Variants in NNMT observed in about 807,000 individuals in gnomAD.
NNMT encodes the protein nicotinamide N-methyltransferase.
In NNMT, 10 loss-of-function variants were observed where a neutral mutation model predicts 11.7. That is an observed-to-expected ratio of 0.85 (90% CI 0.53 to 1.45). The LOEUF (loss-of-function observed/expected upper bound fraction) is 1.45. Ranked by LOEUF, NNMT falls within the 40% of genes most tolerant of loss-of-function variation. The pLI is 0.00. For missense variants in NNMT, 381 were observed against 319.4 expected (o/e 1.19, Z -1.47); for synonymous variants, 143 against 133.8 (o/e 1.07, Z -0.48).
At chr11:114,258,295 C>T (rs893393082) in intron 1 of NNMT, among the ~76,000 whole-genome samples, 4 of 152,222 alleles carry the variant, frequency 2.6e-5, no homozygotes, top group African/African-American at 9.6e-5. Flanking sequence ...TTCAAGGAGG[C>T]GTTTGGGTCA....
chr11:114,296,216 G>A, upstream of NNMT: 1 of 197,604 alleles, frequency 5.1e-6, no homozygotes, highest in Non-Finnish European at 1.0e-5. Flanking sequence ...TTCCTGACGA[G>A]CTCAAGTGCT....
upstream of NNMT, among the ~76,000 whole-genome samples, chr11:114,291,874 A>G (rs1945337758): frequency 2.6e-5 from 4 of 152,088 alleles, no homozygotes. Flanking sequence ...TTATATTAAT[A>G]ATTTCTGACT....
In NNMT at chr11:114,265,778, C is replaced by T. The variant is rs534252272; in HGVS notation, c.-130+2844C>T. On this transcript the variant is annotated intron_variant, in intron 2 of 4. Coordinates refer to the NNMT transcript ENST00000535401. ...GTATTTGCTTCCAATCGATTTCTTA[C>T]GCCAGTAACCCATTAACCATGATTA... Among the ~76,000 whole-genome samples the T allele has an allele frequency of 5.9e-5, 9 of 152,276 alleles. No homozygotes were observed. In the South Asian group the frequency reaches 1.0e-3, roughly 18 times the overall value.
intron 2 of NNMT, among the ~76,000 whole-genome samples, chr11:114,308,365 G>T (rs1427796029): frequency 2.0e-5 from 3 of 152,118 alleles, no homozygotes; most frequent in Non-Finnish European, 4.4e-5. Flanking sequence ...ATGAAAAACA[G>T]CTTGTCAGGG....
intron 2 of NNMT, among the ~76,000 whole-genome samples, chr11:114,271,467 A>G (rs550626043): frequency 6.6e-6 from 1 of 152,350 alleles, no homozygotes; most frequent in South Asian, 2.1e-4. Flanking sequence ...GAAGAAATTC[A>G]GTGCAGTTAT....
intron 2 of NNMT, 56 bp from the exon 3 acceptor site, chr11:114,311,989 T>C: frequency 1.3e-6 from 2 of 1,512,504 alleles, no homozygotes; most frequent in South Asian, 2.6e-5. Context: ...ACCCAAGAGA[T>C]CTGGGTTCCC....
chr11:114,283,727 T>G (rs1945278043), intron 2 of NNMT, among the ~76,000 whole-genome samples: 1 of 152,236 alleles, frequency 6.6e-6, no homozygotes, highest in Non-Finnish European at 1.5e-5. Context: ...TTTGTTGCTT[T>G]TTTTTCAATT....
chr11:114,281,946 C>G (rs764041203), intron 2 of NNMT, among the ~76,000 whole-genome samples: 7 of 152,116 alleles, frequency 4.6e-5, no homozygotes, highest in Non-Finnish European at 1.0e-4. Flanking sequence ...AGGAAATTGA[C>G]AAAGGAAGGT....
chr11:114,307,246 A>G (rs1167179285), intron 2 of NNMT, among the ~76,000 whole-genome samples: 1 of 152,140 alleles, frequency 6.6e-6, no homozygotes, highest in Non-Finnish European at 1.5e-5. Flanking sequence ...TCCAAAACAG[A>G]GCTACCATCT....
chr11:114,266,202 G>T (rs912296790), intron 2 of NNMT, among the ~76,000 whole-genome samples: 3 of 152,174 alleles, frequency 2.0e-5, no homozygotes, highest in Non-Finnish European at 4.4e-5. Flanking sequence ...CAATCAACAC[G>T]TACTAATATT....
chr11:114,274,387 T>A (rs945637053), intron 2 of NNMT, among the ~76,000 whole-genome samples: 1 of 152,250 alleles, frequency 6.6e-6, no homozygotes, highest in Non-Finnish European at 1.5e-5. Context: ...TGCCTCCAAC[T>A]ACATGGACAA....
intron 2 of NNMT, among the ~76,000 whole-genome samples, chr11:114,308,772 G>A (rs955573703): frequency 5.3e-5 from 8 of 152,120 alleles, no homozygotes; most frequent in Non-Finnish European, 8.8e-5. Flanking sequence ...GCGTTGCCCC[G>A]AGGTGTATGC....
In NNMT at chr11:114,260,692, G is replaced by A. The variant is rs182487460; in HGVS notation, c.-216-2156G>A. ...AGCTGGGCCCTGGCCTTGGGGCACA[G>A]CAGCTCTCTGAAGACCAGATGGGCC... On this transcript the variant is annotated intron_variant, in intron 1 of 4. Transcript: ENST00000535401. Among the ~76,000 whole-genome samples the A allele has an allele frequency of 3.0e-3, 457 of 152,324 alleles. 3 individuals are homozygous for A. Among genetic ancestry groups the A allele is most frequent in the Non-Finnish European group, 2.2e-3 (151 of 68,028 alleles).
At chr11:114,283,941 A>G (rs1209692307) in intron 2 of NNMT, among the ~76,000 whole-genome samples, 1 of 152,244 alleles carries the variant, frequency 6.6e-6, no homozygotes. Context: ...GTATAGCATT[A>G]GTAGTGATAG....
At position 114,312,053 on chromosome 11, in the gene NNMT, G is replaced by A. The variant is rs776695855; in HGVS notation, c.371G>A (p.Gly124Asp). The change falls in exon 3 of 3, where the codon GGT (glycine) becomes GAT (aspartate). Residue 124 changes from glycine (G) to aspartate (D), a missense_variant. By Grantham distance (94) the Gly-to-Asp change is moderately conservative (BLOSUM62 -1). Coordinates refer to ENST00000299964, the MANE Select transcript of NNMT (RefSeq NM_006169.3). ...VCDLEGNRVK[G>D]PEKEEKLRQA... ...GGGTTTGTGTTTTTCAGAGTCAAGG[G>A]TCCAGAGAAGGAGGAGAAGTTGAGA... 1.3e-6 allele frequency: 2 copies of A among 1,571,876 alleles called. No individual in the cohort carries two copies. The highest frequency in any genetic ancestry group is 1.7e-6 in the Non-Finnish European group (2 of 1,154,774).
intron 2 of NNMT, among the ~76,000 whole-genome samples, chr11:114,288,388 C>A (rs1247494843): frequency 6.6e-6 from 1 of 150,576 alleles, no homozygotes; most frequent in Non-Finnish European, 1.5e-5. Context: ...ATTCTATTTC[C>A]AGTTTGGCAA....
chr11:114,311,438 A>G (rs892475935), intron 2 of NNMT, among the ~76,000 whole-genome samples: 2 of 152,212 alleles, frequency 1.3e-5, no homozygotes, highest in Non-Finnish European at 2.9e-5. Flanking sequence ...AAAACATACT[A>G]TCTGCAATAT....
At chr11:114,265,729 T>C (rs1267863423) in intron 2 of NNMT, among the ~76,000 whole-genome samples, 2 of 152,168 alleles carry the variant, frequency 1.3e-5, no homozygotes, top group Non-Finnish European at 2.9e-5. Context: ...GGCAATTCAA[T>C]TTCTCCGAAA....
intron 1 of NNMT, among the ~76,000 whole-genome samples, chr11:114,261,374 G>A (rs1945079268): frequency 6.6e-6 from 1 of 152,212 alleles, no homozygotes; most frequent in African/African-American, 2.4e-5. Flanking sequence ...CTGAAGTCGG[G>A]AGTTTGAGAC....
Sources: gnomAD v4.1 joint callset for allele counts (sites outside exome capture counted in the v4.1 genomes callset) on GRCh38, gnomAD v4.1.1 for gene constraint, MANE v1.5 for transcripts, NCBI Gene and HGNC (gene_info 2026-07-23, HGNC 2026-07-21) for gene names.